The following MTSS1 variants were observed in gnomAD, a reference collection of about 807,000 sequenced individuals.
MTSS1 encodes protein MTSS 1.
MTSS1 carries 18 observed loss-of-function variants against 79.0 expected under a neutral mutation model. The ratio of observed to expected loss-of-function variants is 0.23; its 90% CI spans 0.16 to 0.34. The LOEUF (loss-of-function observed/expected upper bound fraction) is 0.34, where lower values mean the gene tolerates loss of function less well. Ranked by LOEUF, MTSS1 falls within the 10% of genes least tolerant of loss-of-function variation. MTSS1 has a pLI of 1.00. For synonymous variants in MTSS1, 341 were observed against 368.6 expected, an observed-to-expected ratio of 0.93 and a Z score of 0.86; for missense variants, 815 against 986.2, an observed-to-expected ratio of 0.83 and a Z score of 2.33.
At chr8:124,606,528 A>G (rs1834913734) in intron 3 of MTSS1, among the ~76,000 whole-genome samples, 1 of 152,172 alleles carries the variant, frequency 6.6e-6, no homozygotes, top group African/African-American at 2.4e-5. Flanking sequence ...CCAAGGTCAC[A>G]CAGAATTCAG....
intron 3 of MTSS1, among the ~76,000 whole-genome samples, chr8:124,637,155 C>T (rs1443934886): frequency 6.6e-6 from 1 of 152,210 alleles, no homozygotes; most frequent in African/African-American, 2.4e-5. Flanking sequence ...GGCTCCAGAA[C>T]TGTCAGATCC....
chr8:124,611,118 C>CA (rs1563855315), intron 3 of MTSS1, among the ~76,000 whole-genome samples: 7 of 148,828 alleles, frequency 4.7e-5, no homozygotes, highest in African/African-American at 1.5e-4. Context: ...CCCCCCCCCC[C>CA]AGCATGTGAC....
At chr8:124,622,087 AGAG>A (rs1433844923) in intron 3 of MTSS1, among the ~76,000 whole-genome samples, 8 of 151,720 alleles carry the variant, frequency 5.3e-5, no homozygotes, top group African/African-American at 1.9e-4. Context: ...AGAGAGAGAG[AGAG>A]AGAGAGAATA....
chr8:124,603,155 A>G (rs1834217492), intron 3 of MTSS1, among the ~76,000 whole-genome samples: 1 of 152,166 alleles, frequency 6.6e-6, no homozygotes, highest in African/African-American at 2.4e-5. Flanking sequence ...CCTCCCAAGT[A>G]TCTGGGATTA....
At chr8:124,650,334 G>A (rs1819730358) in intron 3 of MTSS1, among the ~76,000 whole-genome samples, 1 of 152,024 alleles carries the variant, frequency 6.6e-6, no homozygotes, top group African/African-American at 2.4e-5. Flanking sequence ...CAGCCAAAGA[G>A]CTTATGTTTT....
At chr8:124,726,735 A>G (rs1376724684) in intron 1 of MTSS1, among the ~76,000 whole-genome samples, 1 of 152,168 alleles carries the variant, frequency 6.6e-6, no homozygotes, top group Non-Finnish European at 1.5e-5. Context: ...CAGCGGCTGA[A>G]GAGGGGCTGT....
chr8:124,690,083 G>A (rs144365118), intron 3 of MTSS1, among the ~76,000 whole-genome samples: 3 of 152,232 alleles, frequency 2.0e-5, no homozygotes, highest in Admixed American at 1.3e-4. Context: ...TAACCACGCT[G>A]CACACAAATC....
At chr8:124,621,841 G>A (rs529880190) in intron 3 of MTSS1, among the ~76,000 whole-genome samples, 2 of 152,192 alleles carry the variant, frequency 1.3e-5, no homozygotes, top group East Asian at 1.9e-4. Context: ...GATCCACCAC[G>A]CCCAGCCCCT....
chr8:124,599,113 AC>A (rs2132918120), intron 3 of MTSS1, among the ~76,000 whole-genome samples: 1 of 152,206 alleles, frequency 6.6e-6, no homozygotes, highest in South Asian at 2.1e-4. Flanking sequence ...GATGGAAGGG[AC>A]CCTGTGCGCT....
intron 3 of MTSS1, among the ~76,000 whole-genome samples, chr8:124,604,925 C>T (rs1834534263): frequency 6.6e-6 from 1 of 152,250 alleles, no homozygotes; most frequent in South Asian, 2.1e-4. Context: ...TTCTGGCATG[C>T]ACCGTACTGG....
chr8:124,568,349 T>G, intron 7 of MTSS1, 30 bp downstream of exon 7: 1 of 1,604,794 alleles, frequency 6.2e-7, no homozygotes. Context: ...ACCAGCAGTT[T>G]AAACCTTCTG....
intron 10 of MTSS1, 128 bp downstream of exon 10, chr8:124,562,654 A>T: frequency 2.2e-6 from 2 of 907,242 alleles, no homozygotes; most frequent in Non-Finnish European, 3.3e-6. Flanking sequence ...ATGAGAAATT[A>T]AACCAGAGGT....
intron 3 of MTSS1, among the ~76,000 whole-genome samples, chr8:124,676,976 T>C (rs1216859123): frequency 6.6e-6 from 1 of 152,066 alleles, no homozygotes; most frequent in Non-Finnish European, 1.5e-5. Context: ...GTGTTCCCCA[T>C]GTGATGCAAA....
At chr8:124,583,952 CTAAAA>C (rs1830448036) in intron 6 of MTSS1, among the ~76,000 whole-genome samples, 1 of 152,218 alleles carries the variant, frequency 6.6e-6, no homozygotes, top group African/African-American at 2.4e-5. Context: ...AAGCTCCAGA[CTAAAA>C]TAAAACATAC....
chr8:124,568,216 C>T (rs1826949313), intron 7 of MTSS1, 163 bp downstream of exon 7: 2 of 784,724 alleles, frequency 2.5e-6, no homozygotes, highest in African/African-American at 3.5e-5. Context: ...GAGTGAGCTA[C>T]ATGGCCATCA....
In MTSS1 at chr8:124,725,434, C is replaced by T. The variant is rs529395569; in HGVS notation, c.72+2450G>A. ...GCTGTACATTTTGAAGAATCAAATG[C>T]TACTAATAAAACCATTTTCCTTATC... On this transcript the variant is annotated intron_variant, in intron 1 of 13. Coordinates refer to ENST00000518547, the MANE Select transcript of MTSS1 (RefSeq NM_014751.6). 2.2e-4 allele frequency among the ~76,000 whole-genome samples: 33 copies of T among 152,224 alleles called. No individual in the cohort carries two copies. The South Asian group carries it at 5.8e-3, about 27-fold the overall frequency.
chr8:124,572,936 A>C (rs1412283476), intron 6 of MTSS1, among the ~76,000 whole-genome samples: 1 of 151,860 alleles, frequency 6.6e-6, no homozygotes, highest in Non-Finnish European at 1.5e-5. Flanking sequence ...TAGTAGAGAC[A>C]GGATTTCACC....
At chr8:124,676,208 A>G (rs1056780309) in intron 3 of MTSS1, among the ~76,000 whole-genome samples, 47 of 152,252 alleles carry the variant, frequency 3.1e-4, no homozygotes, top group African/African-American at 1.1e-3. Flanking sequence ...CATAACTCAG[A>G]ATGTGTAACA....
At chr8:124,688,340 A>G (rs376914193) in intron 3 of MTSS1, among the ~76,000 whole-genome samples, 2 of 121,764 alleles carry the variant, frequency 1.6e-5, no homozygotes, top group East Asian at 2.2e-4. Context: ...GTCTGTGTGT[A>G]TGTGTGTTGT....
Sources: gnomAD v4.1 joint callset for allele counts (sites outside exome capture counted in the v4.1 genomes callset) on GRCh38, gnomAD v4.1.1 for gene constraint, MANE v1.5 for transcripts, NCBI Gene and HGNC (gene_info 2026-07-23, HGNC 2026-07-21) for gene names.